GALNT13: variants seen among roughly 807,000 people sequenced by gnomAD.
GALNT13 encodes the protein polypeptide N-acetylgalactosaminyltransferase 13.
In GALNT13, 28 loss-of-function variants were observed where a neutral mutation model predicts 64.2. That is an observed-to-expected ratio of 0.44 (90% confidence interval 0.32 to 0.60). The LOEUF (loss-of-function observed/expected upper bound fraction) is 0.60, where lower values mean the gene tolerates loss of function less well. GALNT13 is among the 20% of genes least tolerant of loss of function. The pLI is 0.05. For missense variants in GALNT13, 577 were observed against 669.8 expected (o/e 0.86, Z 1.53); for synonymous variants, 214 against 224.6 (o/e 0.95, Z 0.42).
chr2:153,788,198 G>C, the GALNT13 span, among the ~76,000 whole-genome samples: 1 of 152,076 alleles, frequency 6.6e-6, no homozygotes, highest in Non-Finnish European at 1.5e-5. Context: ...AGAGAGAAAG[G>C]ACAGGTCACC....
chr2:153,085,266 CCATTTTCT>C, the GALNT13 span, among the ~76,000 whole-genome samples: 3 of 152,074 alleles, frequency 2.0e-5, no homozygotes, highest in African/African-American at 4.8e-5. Context: ...AAAGAAATAC[CCATTTTCT>C]GAGGAGAAAT....
upstream of GALNT13, among the ~76,000 whole-genome samples, chr2:153,867,653 T>C (rs966658140): frequency 3.3e-5 from 5 of 151,952 alleles, no homozygotes; most frequent in African/African-American, 1.2e-4. Flanking sequence ...AATAATTATC[T>C]AACTCACCAT....
At chr2:154,018,555 G>A (rs940043829) in intron 3 of GALNT13, among the ~76,000 whole-genome samples, 1 of 152,100 alleles carries the variant, frequency 6.6e-6, no homozygotes, top group Non-Finnish European at 1.5e-5. Context: ...AAGATAAGAG[G>A]ATGGGGGATA....
chr2:153,295,527 TA>T, the GALNT13 span, among the ~76,000 whole-genome samples: 48,724 of 139,518 alleles, frequency 0.35, 8,351 homozygotes, highest in Middle Eastern at 0.49. Flanking sequence ...CTGGAGTACC[TA>T]AAAAAAAAAA....
chr2:154,187,907 A>T (rs1276542281), intron 4 of GALNT13, among the ~76,000 whole-genome samples: 2 of 152,104 alleles, frequency 1.3e-5, no homozygotes, highest in African/African-American at 2.4e-5. Flanking sequence ...ATAGATATGT[A>T]ATGAAGATTG....
the GALNT13 span, among the ~76,000 whole-genome samples, chr2:153,649,286 T>C: frequency 2.0e-5 from 3 of 152,230 alleles, no homozygotes; most frequent in South Asian, 6.2e-4. Context: ...TGGTAGTTTC[T>C]ATTTCTGTGG....
At chr2:154,383,141 A>T (rs893013224) in intron 9 of GALNT13, among the ~76,000 whole-genome samples, 5 of 151,946 alleles carry the variant, frequency 3.3e-5, no homozygotes, top group African/African-American at 1.2e-4. Flanking sequence ...GGTATACAAC[A>T]GAAGTACACA....
chr2:153,785,205 A>C, the GALNT13 span, among the ~76,000 whole-genome samples: 1 of 152,174 alleles, frequency 6.6e-6, no homozygotes, highest in East Asian at 1.9e-4. Context: ...GACCCTCAGC[A>C]CAGCACAGCT....
At chr2:153,313,914 T>A in the GALNT13 span, among the ~76,000 whole-genome samples, 1 of 152,168 alleles carries the variant, frequency 6.6e-6, no homozygotes, top group Non-Finnish European at 1.5e-5. Flanking sequence ...TTTTAAAAAA[T>A]TTCTTTAAGG....
chr2:153,826,766 A>G, the GALNT13 span, among the ~76,000 whole-genome samples: 88 of 152,238 alleles, frequency 5.8e-4, no homozygotes, highest in Non-Finnish European at 6.5e-4. Flanking sequence ...AGAGAGATAC[A>G]GGGGGCTTGG....
At chr2:153,788,632 C>T in the GALNT13 span, among the ~76,000 whole-genome samples, 1 of 151,998 alleles carries the variant, frequency 6.6e-6, no homozygotes, top group African/African-American at 2.4e-5. Flanking sequence ...ATGCTAAAAG[C>T]CCCAATTAAT....
intron 9 of GALNT13, among the ~76,000 whole-genome samples, chr2:154,388,015 G>C (rs187669665): frequency 6.6e-6 from 1 of 152,162 alleles, no homozygotes. Flanking sequence ...TATAATGGCT[G>C]TACTAATTTA....
intron 7 of GALNT13, among the ~76,000 whole-genome samples, chr2:154,255,707 A>G (rs1443256957): frequency 3.3e-5 from 5 of 152,022 alleles, no homozygotes; most frequent in Non-Finnish European, 5.9e-5. Flanking sequence ...GATAATTTAG[A>G]TTTCATGCAT....
chr2:153,574,715 C>CTTT, the GALNT13 span, among the ~76,000 whole-genome samples: 1,148 of 141,262 alleles, frequency 8.1e-3, 15 homozygotes, highest in African/African-American at 0.028. Context: ...TTATTTCAAT[C>CTTT]TTTTTTTTTT....
the GALNT13 span, among the ~76,000 whole-genome samples, chr2:153,832,014 C>T: frequency 8.5e-5 from 13 of 152,104 alleles, no homozygotes; most frequent in Admixed American, 4.6e-4. Context: ...AATTCCATGT[C>T]GATTTTAAGT....
chr2:153,851,387 T>C, the GALNT13 span, among the ~76,000 whole-genome samples: 1 of 152,184 alleles, frequency 6.6e-6, no homozygotes, highest in African/African-American at 2.4e-5. Context: ...GAAAATGGTA[T>C]TGAAAATCTT....
chr2:154,261,213 C>A (rs1690676689), intron 8 of GALNT13, among the ~76,000 whole-genome samples: 3 of 152,034 alleles, frequency 2.0e-5, no homozygotes. Flanking sequence ...ATAATCAAAT[C>A]CCTCAAAAAT....
intron 3 of GALNT13, among the ~76,000 whole-genome samples, chr2:153,995,966 A>G (rs958596650): frequency 1.3e-5 from 2 of 152,172 alleles, no homozygotes; most frequent in Non-Finnish European, 2.9e-5. Context: ...TTGACATTTT[A>G]TCCTCTAGAT....
chr2:153,819,585 A>T, the GALNT13 span, among the ~76,000 whole-genome samples: 1 of 152,170 alleles, frequency 6.6e-6, no homozygotes, highest in Non-Finnish European at 1.5e-5. Flanking sequence ...CCTCATCCAC[A>T]TGGAACAACA....
Sources: allele counts gnomAD v4.1 joint callset (sites outside exome capture counted in the v4.1 genomes callset), GRCh38; gene constraint gnomAD v4.1.1; transcripts MANE v1.5; gene names NCBI Gene and HGNC (gene_info 2026-07-23, HGNC 2026-07-21).